USP39: variants seen among roughly 807,000 people sequenced by gnomAD.
The protein encoded by USP39 is ubiquitin specific peptidase 39.
In USP39, 38 loss-of-function variants were observed where a neutral mutation model predicts 66.4. The ratio of observed to expected loss-of-function variants is 0.57; its 90% confidence interval spans 0.44 to 0.75. The LOEUF (loss-of-function observed/expected upper bound fraction) is 0.75. Ranked by LOEUF, USP39 falls within the 30% of genes least tolerant of loss-of-function variation. The pLI, the probability that USP39 is intolerant of heterozygous loss-of-function variation, is 0.00. For missense variants in USP39, 608 were observed against 714.4 expected (o/e 0.85, Z 1.70); for synonymous variants, 303 against 274.6 (o/e 1.10, Z -1.02).
chr2:85,635,811 T>C (rs1024509592), intron 6 of USP39, among the ~76,000 whole-genome samples: 21 of 152,166 alleles, frequency 1.4e-4, no homozygotes, highest in Non-Finnish European at 2.9e-5. Context: ...CACTGAGTGA[T>C]GCGATACAGT....
intron 3 of USP39, among the ~76,000 whole-genome samples, chr2:85,622,904 T>G (rs1175520714): frequency 3.3e-5 from 5 of 152,220 alleles, no homozygotes. Context: ...CTGTATTCTT[T>G]GCTCTCGTAA....
chr2:85,612,067 G>C (rs1673589459), upstream of USP39: 3 of 1,131,810 alleles, frequency 2.7e-6, no homozygotes, highest in Non-Finnish European at 3.6e-6. Flanking sequence ...GCCGCCCCTT[G>C]CTCAGCTTCC....
intron 6 of USP39, among the ~76,000 whole-genome samples, chr2:85,632,123 T>A (rs1194593119): frequency 6.6e-6 from 1 of 152,228 alleles, no homozygotes; most frequent in Non-Finnish European, 1.5e-5. Flanking sequence ...AGTGTAACTT[T>A]GTACCTGAAT....
chr2:85,610,471 G>T (rs377388974), upstream of USP39: 1 of 152,194 alleles, frequency 6.6e-6, no homozygotes, highest in South Asian at 2.1e-4. Flanking sequence ...CTCTGCCTGG[G>T]TTCAAATCCA....
At chr2:85,604,163 C>T (rs755899958) in intron 1 of USP39, among the ~76,000 whole-genome samples, 2 of 152,158 alleles carry the variant, frequency 1.3e-5, no homozygotes, top group Admixed American at 6.5e-5. Flanking sequence ...GAGGGAGAAA[C>T]CTTCTTGGAC....
chr2:85,612,101 C>G (rs1486637051), upstream of USP39: 3 of 981,126 alleles, frequency 3.1e-6, no homozygotes, highest in Non-Finnish European at 4.3e-6. Flanking sequence ...GACTTCCGGT[C>G]TGGGAGGCCC....
At chr2:85,617,192 G>A (rs933807037) in intron 1 of USP39, among the ~76,000 whole-genome samples, 1 of 149,044 alleles carries the variant, frequency 6.7e-6, no homozygotes, top group South Asian at 2.1e-4. Flanking sequence ...GGACTCAAGT[G>A]TTCCACTCAC....
At chr2:85,612,223 T>G (rs371001267), upstream of USP39, 12 of 1,300,574 alleles carry the variant, frequency 9.2e-6, no homozygotes, top group Admixed American at 2.4e-5. Context: ...TTTTGTTTTT[T>G]TTTGTTTGTT....
intron 10 of USP39, among the ~76,000 whole-genome samples, chr2:85,644,016 T>G (rs1407265297): frequency 6.6e-6 from 1 of 152,220 alleles, no homozygotes; most frequent in Non-Finnish European, 1.5e-5. Flanking sequence ...ACACTGTCAG[T>G]CTGTAGAAAC....
chr2:85,628,372 C>T (rs759653701), intron 5 of USP39, among the ~76,000 whole-genome samples: 2 of 152,022 alleles, frequency 1.3e-5, no homozygotes, highest in African/African-American at 2.4e-5. Flanking sequence ...GTCTCGATCT[C>T]CTGACTTCGT....
chr2:85,603,338 A>C (rs1034393980), intron 1 of USP39: 1 of 152,272 alleles, frequency 6.6e-6, no homozygotes, highest in Non-Finnish European at 1.5e-5. Context: ...TTCCCGACTG[A>C]TCAACACTTA....
chr2:85,607,418 A>G (rs1673257053), upstream of USP39: 1 of 152,182 alleles, frequency 6.6e-6, no homozygotes, highest in African/African-American at 2.4e-5. Context: ...CTTTCAAAGG[A>G]GAACTGAGCC....
chr2:85,647,526 T>C (rs1391440827), intron 11 of USP39, among the ~76,000 whole-genome samples: 1 of 151,736 alleles, frequency 6.6e-6, no homozygotes, highest in Non-Finnish European at 1.5e-5. Context: ...CCAGTTTTAG[T>C]GGCACACACC....
At chr2:85,641,799 G>A (rs1676247504) in intron 10 of USP39, among the ~76,000 whole-genome samples, 1 of 151,772 alleles carries the variant, frequency 6.6e-6, no homozygotes, top group Non-Finnish European at 1.5e-5. Flanking sequence ...AGGTACTTGA[G>A]GGGCTGAGGC....
intron 3 of USP39, among the ~76,000 whole-genome samples, chr2:85,622,930 T>A (rs966224188): frequency 1.3e-5 from 2 of 152,016 alleles, no homozygotes; most frequent in African/African-American, 4.8e-5. Flanking sequence ...TTATAAGGAG[T>A]CAAGGTTGAC....
chr2:85,637,374 G>A lies in USP39; in HGVS notation c.1033G>A (p.Val345Met). The A allele has an allele frequency of 6.2e-7, 1 of 1,614,172 alleles. No individual in the cohort carries two copies. Among genetic ancestry groups the A allele is most frequent in the Admixed American group, 1.7e-5 (1 of 60,006 alleles). Residue 345 changes from valine to methionine, a missense_variant, in exon 8 of 13, where the codon GTG (valine) becomes ATG (methionine). Transcript: ENST00000323701. ...CTTGCTTCCTGTTTGTGCAGCTATT[G>A]TGACTGATGTTTTCCAGGGGTCCAT... ...GGTKKKKKTIVTDVFQGSMRI... is the reference protein window; with the variant it reads ...GGTKKKKKTIMTDVFQGSMRI...
chr2:85,624,155 A>G (rs1363356330), intron 4 of USP39, among the ~76,000 whole-genome samples: 1 of 152,132 alleles, frequency 6.6e-6, no homozygotes, highest in Non-Finnish European at 1.5e-5. Context: ...GCTGCTTTTA[A>G]CATACGCCGT....
At chr2:85,639,454 CTTTTT>C (rs10660019) in intron 9 of USP39, 63 bp downstream of exon 9, 23 of 1,177,918 alleles carry the variant, frequency 2.0e-5, no homozygotes, top group East Asian at 2.9e-5. Flanking sequence ...TTTTCATTTT[CTTTTT>C]TTTTTTTTTT....
At chr2:85,611,854 C>T, upstream of USP39, 3 of 1,598,140 alleles carry the variant, frequency 1.9e-6, no homozygotes, top group South Asian at 3.3e-5. Context: ...GTGGTGGCGG[C>T]GGCGGCGCAG....
Sources: allele counts gnomAD v4.1 joint callset (sites outside exome capture counted in the v4.1 genomes callset), GRCh38; gene constraint gnomAD v4.1.1; transcripts MANE v1.5; gene names NCBI Gene and HGNC (gene_info 2026-07-23, HGNC 2026-07-21).